SLC5A8: variants seen among roughly 807,000 people sequenced by gnomAD.
SLC5A8 encodes solute carrier family 5 member 8, also known as sodium-coupled monocarboxylate transporter 1.
A neutral mutation model predicts 71.9 loss-of-function variants in SLC5A8; 55 were observed. That is an observed-to-expected ratio of 0.77 (90% CI 0.62 to 0.96). The LOEUF (loss-of-function observed/expected upper bound fraction) is 0.96. Among genes scored for constraint, SLC5A8 ranks in the 40% least tolerant of loss-of-function variants. SLC5A8 has a pLI of 0.00. For synonymous variants in SLC5A8, 307 were observed against 276.1 expected, an observed-to-expected ratio of 1.11 and a Z score of -1.11; for missense variants, 701 against 745.3, an observed-to-expected ratio of 0.94 and a Z score of 0.69.
intron 7 of SLC5A8, among the ~76,000 whole-genome samples, chr12:101,185,428 C>A (rs1868590211): frequency 6.6e-6 from 1 of 152,128 alleles, no homozygotes; most frequent in Non-Finnish European, 1.5e-5. Flanking sequence ...TGAGTGGCCC[C>A]CTCAAGTATA....
At chr12:101,164,043 T>C (rs568735539) in intron 12 of SLC5A8, among the ~76,000 whole-genome samples, 1 of 152,314 alleles carries the variant, frequency 6.6e-6, no homozygotes, top group African/African-American at 2.4e-5. Context: ...ATCTTTATGA[T>C]TGCAGGGTAG....
At chr12:101,167,959 A>C (rs1172198263) in intron 11 of SLC5A8, 137 bp downstream of exon 11, 4 of 835,488 alleles carry the variant, frequency 4.8e-6, no homozygotes, top group Non-Finnish European at 5.6e-6. Flanking sequence ...CACTCCACCA[A>C]AGTCAACAGA....
At position 101,186,016 on chromosome 12, in the gene SLC5A8, C is replaced by A. The variant is rs573639988; in HGVS notation, c.963+1370G>T. Among the ~76,000 whole-genome samples, 46 of 150,846 alleles carry A rather than the reference C, an allele frequency of 3.0e-4. 1 individual carries two copies. The highest frequency in any genetic ancestry group is 1.7e-3 in the Admixed American group (26 of 15,190). On this transcript the variant is annotated intron_variant, in intron 7 of 14. Coordinates refer to ENST00000536262, the MANE Select transcript of SLC5A8 (RefSeq NM_145913.5). ...GAGAAATCTTCACGGACTCTCTAAGCGTATGCAAGCAAGACACCCTGAATG... is the reference window on the plus strand; with the variant it reads ...GAGAAATCTTCACGGACTCTCTAAGAGTATGCAAGCAAGACACCCTGAATG...
At chr12:101,207,586 G>A (rs1869726771) in intron 1 of SLC5A8, among the ~76,000 whole-genome samples, 1 of 152,104 alleles carries the variant, frequency 6.6e-6, no homozygotes, top group African/African-American at 2.4e-5. Context: ...AAGAGGCATG[G>A]GTCAGTGGTT....
chr12:101,179,944 G>T, intron 10 of SLC5A8, 85 bp downstream of exon 10: 4 of 1,414,656 alleles, frequency 2.8e-6, no homozygotes, highest in South Asian at 1.1e-5. Context: ...GATATATATC[G>T]AGAGAAGTCT....
At chr12:101,179,011 T>C (rs2051907513) in intron 10 of SLC5A8, among the ~76,000 whole-genome samples, 2 of 152,242 alleles carry the variant, frequency 1.3e-5, no homozygotes, top group South Asian at 2.1e-4. Flanking sequence ...TATGAGATAA[T>C]GTATGAAAGA....
At chr12:101,201,268 C>T (rs1869444971) in intron 3 of SLC5A8, among the ~76,000 whole-genome samples, 1 of 152,150 alleles carries the variant, frequency 6.6e-6, no homozygotes. Context: ...AGTTCAAGAG[C>T]ACCTTACACA....
chr12:101,207,983 A>C (rs1422951549), intron 1 of SLC5A8, among the ~76,000 whole-genome samples: 1 of 152,172 alleles, frequency 6.6e-6, no homozygotes, highest in African/African-American at 2.4e-5. Context: ...CAATAGCTAT[A>C]AACTTGAGTT....
chr12:101,165,358 T>C (rs1434360696), intron 12 of SLC5A8, among the ~76,000 whole-genome samples: 3 of 152,186 alleles, frequency 2.0e-5, no homozygotes, highest in Non-Finnish European at 2.9e-5. Flanking sequence ...AGCAAAATCA[T>C]AAAACAAGAA....
chr12:101,209,726 G>A lies in SLC5A8; in HGVS notation c.123C>T (p.Thr41=). ...GGCCGCCCATCAGGAAGTCCTTGGA[G>A]GTCTGCTGGCCGCCCCCAGCGAAGG... ...YYAFAGGGQQ[T]SKDFLMGGRR... The change falls in exon 1 of 15, where the codon ACC becomes ACT. Residue 41 remains threonine (T), a synonymous_variant. Coordinates refer to ENST00000536262, the MANE Select transcript of SLC5A8 (RefSeq NM_145913.5). 1 of 1,612,982 alleles carries A rather than the reference G, an allele frequency of 6.2e-7. No homozygotes were observed. The highest frequency in any genetic ancestry group is 8.5e-7 in the Non-Finnish European group (1 of 1,179,910).
chr12:101,174,089 C>T (rs1468047133), intron 10 of SLC5A8, among the ~76,000 whole-genome samples: 2 of 152,194 alleles, frequency 1.3e-5, no homozygotes, highest in East Asian at 1.9e-4. Context: ...AGACACACTA[C>T]GGAGTGTTCC....
chr12:101,206,228 T>A (rs571110616), intron 1 of SLC5A8, among the ~76,000 whole-genome samples: 15 of 152,280 alleles, frequency 9.9e-5, no homozygotes, highest in African/African-American at 3.6e-4. Context: ...AGTGTCAAAA[T>A]CATTCAGGGA....
chr12:101,206,602 C>A (rs1416157400), intron 1 of SLC5A8, among the ~76,000 whole-genome samples: 1 of 152,166 alleles, frequency 6.6e-6, no homozygotes, highest in East Asian at 1.9e-4. Context: ...GACCAGATGC[C>A]CAAGTCACTG....
At chr12:101,199,113 C>T (rs557061910) in intron 3 of SLC5A8, among the ~76,000 whole-genome samples, 19 of 151,478 alleles carry the variant, frequency 1.3e-4, no homozygotes, top group South Asian at 8.3e-4. Context: ...ACACTTGCAA[C>T]GAATAATTGA....
chr12:101,156,054 G>A lies in SLC5A8; in HGVS notation c.*1225C>T, dbSNP rs1472503955. The A allele has an allele frequency of 6.6e-6, 1 of 151,880 alleles. No homozygotes were observed. Among genetic ancestry groups the A allele is most frequent in the Non-Finnish European group, 1.5e-5 (1 of 67,986 alleles). The allele number at this position is 151,880 out of a possible 1,614,324, so 9.4% of individuals were successfully genotyped here. The stretch of plus-strand genomic sequence containing the variant: ...ACTCCTATAACCAAACTCTTAGCTA[G>A]GAACATAGCAAAATAAACAGCTAAG... On this transcript the variant is annotated 3_prime_UTR_variant, in exon 15 of 15. Transcript: ENST00000536262.
At position 101,158,586 on chromosome 12, in the gene SLC5A8, CTCTCTCTCTCTCTATATA is replaced by C. The variant is rs1206030586; in HGVS notation, c.1631-276_1631-259del. 5.2e-3 allele frequency among the ~76,000 whole-genome samples: 222 copies of C among 42,434 alleles called. 1 individual carries two copies. The highest frequency in any genetic ancestry group is 0.025 in the African/African-American group (183 of 7,270). The allele number at this position is 42,434 out of a possible 152,430, so 27.8% of individuals were successfully genotyped here. Reference sequence around the variant, plus strand: ...TCTCTCTCTCTCTCTCTCTCTCTCTCTCTCTCTCTCTCTATATATATATATATATATATATATATATAT... The same window carrying C: ...TCTCTCTCTCTCTCTCTCTCTCTCTCTATATATATATATATATATATATAT... On this transcript the variant is annotated intron_variant, in intron 13 of 14. Coordinates refer to ENST00000536262, the MANE Select transcript of SLC5A8 (RefSeq NM_145913.5).
intron 5 of SLC5A8, among the ~76,000 whole-genome samples, chr12:101,192,442 C>G (rs191161397): frequency 6.6e-6 from 1 of 152,074 alleles, no homozygotes; most frequent in Admixed American, 6.5e-5. Context: ...TATGTTAAAG[C>G]GGGGCTGCGA....
intron 8 of SLC5A8, 110 bp from the exon 9 acceptor site, chr12:101,183,025 T>C (rs1868437299): frequency 4.6e-6 from 2 of 433,440 alleles, no homozygotes; most frequent in Non-Finnish European, 7.8e-6. Context: ...ATAACCTGAT[T>C]TCTACTATGC....
At chr12:101,199,134 A>C (rs1195624560) in intron 3 of SLC5A8, 1 of 152,020 alleles carries the variant, frequency 6.6e-6, no homozygotes, top group Non-Finnish European at 1.5e-5. Context: ...AAAATAAAAC[A>C]ATGACATTTG....
Sources: allele counts gnomAD v4.1 joint callset (sites outside exome capture counted in the v4.1 genomes callset), GRCh38; gene constraint gnomAD v4.1.1; transcripts MANE v1.5; gene names NCBI Gene and HGNC (gene_info 2026-07-23, HGNC 2026-07-21).